Variants in RAB38 observed in about 807,000 individuals in gnomAD.
The protein encoded by RAB38 is ras-related protein Rab-38.
In RAB38, 15 loss-of-function variants were observed where a neutral mutation model predicts 18.4. The observed-to-expected ratio is 0.82, with a 90% CI of 0.55 to 1.26. The LOEUF (loss-of-function observed/expected upper bound fraction) is 1.26. Among genes scored for constraint, RAB38 ranks in the 50% most tolerant of loss-of-function variants. RAB38 has a pLI of 0.00. For synonymous variants in RAB38, 101 were observed against 104.4 expected (o/e 0.97, Z 0.20); for missense variants, 294 against 267.4 (o/e 1.10, Z -0.69).
the RAB38 span, among the ~76,000 whole-genome samples, chr11:87,869,587 G>A: frequency 6.6e-6 from 1 of 151,594 alleles, no homozygotes; most frequent in South Asian, 2.1e-4. Flanking sequence ...TGTTGAAAAA[G>A]TATATTTTAG....
the RAB38 span, among the ~76,000 whole-genome samples, chr11:88,081,517 C>T: frequency 6.6e-6 from 1 of 151,952 alleles, no homozygotes; most frequent in East Asian, 1.9e-4. Flanking sequence ...CCATTCTATT[C>T]CTATCTGCTA....
chr11:88,004,226 A>T, the RAB38 span, among the ~76,000 whole-genome samples: 1 of 150,542 alleles, frequency 6.6e-6, no homozygotes, highest in African/African-American at 2.4e-5. Context: ...GTGAATACAG[A>T]TTTAAAAAGT....
At chr11:87,963,711 G>A in the RAB38 span, among the ~76,000 whole-genome samples, 1 of 151,022 alleles carries the variant, frequency 6.6e-6, no homozygotes, top group Non-Finnish European at 1.5e-5. Flanking sequence ...CAGTGGTATG[G>A]TCTCGGCTCC....
intron 1 of RAB38, chr11:88,166,145 G>A (rs1412103256): frequency 2.0e-5 from 3 of 152,138 alleles, no homozygotes; most frequent in Non-Finnish European, 4.4e-5. Context: ...AATAAGCATG[G>A]AAATGAACCA....
chr11:87,835,739 C>G, the RAB38 span, among the ~76,000 whole-genome samples: 778 of 152,250 alleles, frequency 5.1e-3, 10 homozygotes, highest in African/African-American at 0.018. Flanking sequence ...CTCACAGCCT[C>G]AGAAGGAACC....
At chr11:87,860,121 A>C in the RAB38 span, among the ~76,000 whole-genome samples, 6 of 152,006 alleles carry the variant, frequency 3.9e-5, no homozygotes, top group Non-Finnish European at 8.8e-5. Flanking sequence ...ATTACTAAAA[A>C]ATAGATGCTT....
At chr11:88,047,468 C>T in the RAB38 span, among the ~76,000 whole-genome samples, 1 of 152,172 alleles carries the variant, frequency 6.6e-6, no homozygotes, top group African/African-American at 2.4e-5. Context: ...CCACTCTGCC[C>T]CACTCCACTA....
At chr11:88,069,168 G>A in the RAB38 span, among the ~76,000 whole-genome samples, 14,012 of 152,302 alleles carry the variant, frequency 0.092, 706 homozygotes, top group Middle Eastern at 0.16. Flanking sequence ...CGCTGGCTCT[G>A]GGGAAGTGAG....
At chr11:87,950,550 T>C in the RAB38 span, among the ~76,000 whole-genome samples, 1 of 152,218 alleles carries the variant, frequency 6.6e-6, no homozygotes, top group Admixed American at 6.5e-5. Flanking sequence ...TGTTTAGTGC[T>C]TCCTTCAGGA....
the RAB38 span, among the ~76,000 whole-genome samples, chr11:87,950,577 C>T: frequency 6.6e-6 from 1 of 152,140 alleles, no homozygotes; most frequent in Non-Finnish European, 1.5e-5. Context: ...TTAAGGCAGG[C>T]CTGGTAGTGA....
chr11:87,915,667 C>T, the RAB38 span, among the ~76,000 whole-genome samples: 1 of 152,124 alleles, frequency 6.6e-6, no homozygotes, highest in African/African-American at 2.4e-5. Flanking sequence ...TGAAAATGGA[C>T]AACCAGCGGC....
the RAB38 span, among the ~76,000 whole-genome samples, chr11:87,813,632 C>A: frequency 6.6e-6 from 1 of 152,060 alleles, no homozygotes; most frequent in Non-Finnish European, 1.5e-5. Flanking sequence ...GGGTATCTAA[C>A]CCCAGTTTGG....
the RAB38 span, among the ~76,000 whole-genome samples, chr11:87,837,020 A>G: frequency 1.3e-5 from 2 of 152,182 alleles, no homozygotes; most frequent in Non-Finnish European, 2.9e-5. Flanking sequence ...CTCATCTGTA[A>G]AATGGAGATA....
chr11:88,077,713 A>G, the RAB38 span, among the ~76,000 whole-genome samples: 1 of 152,204 alleles, frequency 6.6e-6, no homozygotes, highest in Non-Finnish European at 1.5e-5. Context: ...ACTTCAGGAC[A>G]TAGATATTGG....
the RAB38 span, among the ~76,000 whole-genome samples, chr11:88,010,179 G>T: frequency 1.6e-3 from 248 of 152,126 alleles, 1 homozygote; most frequent in Non-Finnish European, 2.8e-3. Context: ...TTTAGACTAG[G>T]GATGCTTTAT....
chr11:88,039,937 T>C, the RAB38 span, among the ~76,000 whole-genome samples: 1 of 152,200 alleles, frequency 6.6e-6, no homozygotes, highest in East Asian at 1.9e-4. Flanking sequence ...TAGTCCTCAA[T>C]TGCACCATTG....
At chr11:88,159,424 C>A (rs1943163186) in intron 1 of RAB38, among the ~76,000 whole-genome samples, 1 of 151,458 alleles carries the variant, frequency 6.6e-6, no homozygotes, top group African/African-American at 2.4e-5. Flanking sequence ...AAAATCTACA[C>A]ATCCAATGCC....
At chr11:87,858,282 C>T in the RAB38 span, among the ~76,000 whole-genome samples, 2 of 152,120 alleles carry the variant, frequency 1.3e-5, no homozygotes, top group Admixed American at 6.6e-5. Context: ...CCGGGTGGAG[C>T]TCTCTGATCC....
chr11:87,848,916 A>G, the RAB38 span, among the ~76,000 whole-genome samples: 2 of 152,068 alleles, frequency 1.3e-5, no homozygotes, highest in African/African-American at 4.8e-5. Flanking sequence ...GCCAACCCCA[A>G]TGTGGCCACA....
Sources: allele counts gnomAD v4.1 joint callset (sites outside exome capture counted in the v4.1 genomes callset), GRCh38; gene constraint gnomAD v4.1.1; transcripts MANE v1.5; gene names NCBI Gene and HGNC (gene_info 2026-07-23, HGNC 2026-07-21).